The following EIF4E3 variants were observed in gnomAD, a reference collection of about 807,000 sequenced individuals.
EIF4E3 encodes eukaryotic translation initiation factor 4E type 3.
In EIF4E3, 26 loss-of-function variants were observed where a neutral mutation model predicts 31.7. The ratio of observed to expected loss-of-function variants is 0.82; its 90% confidence interval spans 0.60 to 1.14. EIF4E3 has a LOEUF of 1.14. EIF4E3 is among the 50% of genes most tolerant of loss of function. The pLI, the probability that EIF4E3 is intolerant of heterozygous loss-of-function variation, is 0.00. For synonymous variants in EIF4E3, 128 were observed against 107.7 expected (o/e 1.19, Z -1.17); for missense variants, 304 against 270.9 (o/e 1.12, Z -0.86).
At chr3:71,705,435 T>C (rs2049278415) in intron 2 of EIF4E3, among the ~76,000 whole-genome samples, 1 of 152,220 alleles carries the variant, frequency 6.6e-6, no homozygotes, top group Admixed American at 6.5e-5. Context: ...CAATAGGTTA[T>C]ATATACTCTT....
At chr3:71,748,826 T>C (rs1413483902) in intron 1 of EIF4E3, among the ~76,000 whole-genome samples, 1 of 152,132 alleles carries the variant, frequency 6.6e-6, no homozygotes, top group Non-Finnish European at 1.5e-5. Flanking sequence ...GCACTAAGGC[T>C]ACCTCTTTTT....
At position 71,679,418 on chromosome 3, in the gene EIF4E3, T is replaced by C. The variant is rs1291115210; in HGVS notation, c.*5264A>G. 6.6e-6 allele frequency: 1 copy of C among 152,194 alleles called. No homozygotes were observed. The highest frequency in any genetic ancestry group is 2.4e-5 in the African/African-American group (1 of 41,458). The allele number at this position is 152,194 out of a possible 1,614,324, so 9.4% of individuals were successfully genotyped here. A position where few individuals can be genotyped will look rare whatever the true frequency, so the allele number is the denominator to read the frequency against. On this transcript the variant is annotated 3_prime_UTR_variant, in exon 7 of 7. Coordinates refer to ENST00000425534, the MANE Select transcript of EIF4E3 (RefSeq NM_001134651.2). Reference sequence around the variant, plus strand: ...AAATTGAAATTTTCATAAAGAAATCTTGCATTTCACTAAATGAGTTGGTAA... The same window carrying C: ...AAATTGAAATTTTCATAAAGAAATCCTGCATTTCACTAAATGAGTTGGTAA...
intron 1 of EIF4E3, among the ~76,000 whole-genome samples, chr3:71,738,718 A>G (rs184713748): frequency 2.0e-3 from 310 of 152,196 alleles, no homozygotes; most frequent in Middle Eastern, 6.8e-3. Context: ...TGGGAACTTC[A>G]ACAGCCCACT....
At chr3:71,695,362 T>C (rs1279777667) in intron 4 of EIF4E3, among the ~76,000 whole-genome samples, 1 of 152,216 alleles carries the variant, frequency 6.6e-6, no homozygotes, top group Non-Finnish European at 1.5e-5. Context: ...CGCAGCCAAG[T>C]GAGCTAACAA....
the EIF4E3 span, among the ~76,000 whole-genome samples, chr3:71,659,420 C>T: frequency 6.6e-6 from 1 of 152,194 alleles, no homozygotes; most frequent in African/African-American, 2.4e-5. Flanking sequence ...AACTGCTTTT[C>T]TCAAATCTGA....
upstream of EIF4E3, among the ~76,000 whole-genome samples, chr3:71,728,098 T>C (rs1458102060): frequency 6.6e-6 from 1 of 152,244 alleles, no homozygotes; most frequent in Non-Finnish European, 1.5e-5. Flanking sequence ...TTCCTATTTC[T>C]ATTTTAAAGA....
At chr3:71,672,648 G>A (rs1370274102), downstream of EIF4E3, among the ~76,000 whole-genome samples, 2 of 152,194 alleles carry the variant, frequency 1.3e-5, no homozygotes, top group East Asian at 3.8e-4. Context: ...CGTGTGATCT[G>A]CTCGGAGCCC....
intron 1 of EIF4E3, among the ~76,000 whole-genome samples, chr3:71,716,664 C>A (rs1198302473): frequency 6.6e-6 from 1 of 152,156 alleles, no homozygotes; most frequent in African/African-American, 2.4e-5. Context: ...ATAGTTGCAA[C>A]CCCACTTTAA....
the EIF4E3 span, among the ~76,000 whole-genome samples, chr3:71,660,767 C>A: frequency 6.6e-5 from 10 of 152,168 alleles, no homozygotes; most frequent in Non-Finnish European, 1.5e-4. Flanking sequence ...AAAATAAGTT[C>A]TGTTTTGCGG....
At chr3:71,672,708 G>A (rs1396944875), downstream of EIF4E3, among the ~76,000 whole-genome samples, 1 of 152,218 alleles carries the variant, frequency 6.6e-6, no homozygotes, top group South Asian at 2.1e-4. Context: ...CAGGTCAGCG[G>A]GCGAAACAGC....
chr3:71,681,468 G>C lies in EIF4E3; in HGVS notation c.*3214C>G, dbSNP rs913542679. On this transcript the variant is annotated 3_prime_UTR_variant, in exon 7 of 7. Coordinates refer to ENST00000425534, the MANE Select transcript of EIF4E3 (RefSeq NM_001134651.2). Reference sequence around the variant, plus strand: ...AACTCCAAACCCCAGCACCACTTCTGTCTCTGAGAGGGAGAGGGAGAGAAG... The same window carrying C: ...AACTCCAAACCCCAGCACCACTTCTCTCTCTGAGAGGGAGAGGGAGAGAAG... 2 of 152,286 alleles carry C rather than the reference G, an allele frequency of 1.3e-5. No individual in the cohort carries two copies. The highest frequency in any genetic ancestry group is 2.4e-5 in the African/African-American group (1 of 41,454). The allele number at this position is 152,286 out of a possible 1,614,324, so 9.4% of individuals were successfully genotyped here.
At chr3:71,716,650 A>G (rs1025775420) in intron 1 of EIF4E3, among the ~76,000 whole-genome samples, 1 of 152,222 alleles carries the variant, frequency 6.6e-6, no homozygotes, top group Non-Finnish European at 1.5e-5. Context: ...ACCTTAGGTA[A>G]ATAATAGTTG....
upstream of EIF4E3, chr3:71,754,172 G>A: frequency 6.2e-6 from 9 of 1,452,088 alleles, 1 homozygote; most frequent in Non-Finnish European, 8.2e-6. This position sits in a 1 kb window ranked among gnomAD's most constrained non-coding sequence, Gnocchi z 5.8. Context: ...TGTTCGCGCT[G>A]CTGATCGTGC....
the EIF4E3 span, among the ~76,000 whole-genome samples, chr3:71,659,625 T>C: frequency 6.6e-6 from 1 of 152,106 alleles, no homozygotes; most frequent in African/African-American, 2.4e-5. Context: ...AGAATAACAT[T>C]ATTACTTTAA....
the EIF4E3 span, among the ~76,000 whole-genome samples, chr3:71,660,848 A>G: frequency 6.6e-6 from 1 of 152,154 alleles, no homozygotes; most frequent in Admixed American, 6.5e-5. Flanking sequence ...GGGCCATCAC[A>G]GGTGCTATCT....
chr3:71,673,562 A>C (rs1302802703), downstream of EIF4E3, among the ~76,000 whole-genome samples: 2 of 152,084 alleles, frequency 1.3e-5, no homozygotes, highest in Non-Finnish European at 2.9e-5. Flanking sequence ...AAAAAAAAAA[A>C]CACCGCTTAT....
chr3:71,709,577 G>T (rs1434138027), intron 2 of EIF4E3, among the ~76,000 whole-genome samples: 1 of 151,904 alleles, frequency 6.6e-6, no homozygotes, highest in East Asian at 1.9e-4. Flanking sequence ...AGAGATGGGG[G>T]TCTATGTTGC....
chr3:71,746,008 C>A (rs1440514196), intron 1 of EIF4E3, among the ~76,000 whole-genome samples: 1 of 152,098 alleles, frequency 6.6e-6, no homozygotes, highest in Non-Finnish European at 1.5e-5. Context: ...CCACCTATGC[C>A]GTTAGCATAA....
At chr3:71,687,159 C>A (rs1425411694) in intron 6 of EIF4E3, among the ~76,000 whole-genome samples, 2 of 152,176 alleles carry the variant, frequency 1.3e-5, no homozygotes, top group Non-Finnish European at 2.9e-5. Context: ...TGCCACCACG[C>A]CTGGCTAGCT....
Sources: allele counts gnomAD v4.1 joint callset (sites outside exome capture counted in the v4.1 genomes callset), GRCh38; gene constraint gnomAD v4.1.1; non-coding constraint Gnocchi (gnomAD v3.1); transcripts MANE v1.5; gene names NCBI Gene and HGNC (gene_info 2026-07-23, HGNC 2026-07-21).